The following PPHLN1 variants were observed in gnomAD, a reference collection of about 807,000 sequenced individuals.
The protein encoded by PPHLN1 is periphilin 1.
In PPHLN1, 29 loss-of-function variants were observed where a neutral mutation model predicts 51.3. The ratio of observed to expected loss-of-function variants is 0.57; its 90% CI spans 0.42 to 0.77. The LOEUF (loss-of-function observed/expected upper bound fraction) is 0.77, where lower values mean the gene tolerates loss of function less well. PPHLN1 is among the 30% of genes least tolerant of loss of function. The pLI, the probability that PPHLN1 is intolerant of heterozygous loss-of-function variation, is 0.00. For synonymous variants in PPHLN1, 147 were observed against 147.8 expected, an observed-to-expected ratio of 0.99 and a Z score of 0.04; for missense variants, 436 against 438.4, an observed-to-expected ratio of 0.99 and a Z score of 0.05.
At chr12:42,433,957 CAT>C (rs2082265596) in intron 9 of PPHLN1, among the ~76,000 whole-genome samples, 1 of 152,114 alleles carries the variant, frequency 6.6e-6, no homozygotes. Flanking sequence ...TTTAAAAAAA[CAT>C]AACACCACCA....
At chr12:42,430,887 C>G (rs1182691792) in intron 9 of PPHLN1, among the ~76,000 whole-genome samples, 2 of 152,040 alleles carry the variant, frequency 1.3e-5, no homozygotes, top group Non-Finnish European at 1.5e-5. Flanking sequence ...TGAAATTAAA[C>G]AAAACAAGAT....
At chr12:42,435,025 T>G (rs1047115016) in intron 9 of PPHLN1, among the ~76,000 whole-genome samples, 1 of 152,230 alleles carries the variant, frequency 6.6e-6, no homozygotes, top group Admixed American at 6.5e-5. Context: ...TTTTGTGGAA[T>G]CTGGTTTTGG....
chr12:42,345,639 A>G (rs988777596), intron 2 of PPHLN1, among the ~76,000 whole-genome samples: 1 of 150,822 alleles, frequency 6.6e-6, no homozygotes, highest in Non-Finnish European at 1.5e-5. Context: ...TTATATTAGT[A>G]TGTAGATATT....
intron 2 of PPHLN1, 143 bp from the exon 3 acceptor site, chr12:42,351,742 T>C (rs1445343261): frequency 7.1e-6 from 4 of 559,966 alleles, no homozygotes; most frequent in Non-Finnish European, 1.1e-5. Context: ...GTATTAGTTA[T>C]ATTTATGTTA....
intron 4 of PPHLN1, among the ~76,000 whole-genome samples, chr12:42,365,709 C>A (rs1182723115): frequency 6.6e-6 from 1 of 152,136 alleles, no homozygotes; most frequent in Non-Finnish European, 1.5e-5. Flanking sequence ...GACTTTGCGT[C>A]TTTTATATGC....
rs1298998251 is a variant in PPHLN1 at position 42,418,943 on chromosome 12, T to C, written c.909+19949T>C. ...CTAAGTATTAAGTGCTTTATTACATTCTCTCATTTAATCCTCACAAAAGGT... is the reference window on the plus strand; with the variant it reads ...CTAAGTATTAAGTGCTTTATTACATCCTCTCATTTAATCCTCACAAAAGGT... On this transcript the variant is annotated intron_variant, in intron 9 of 9. Transcript: ENST00000358314. 2.0e-5 allele frequency among the ~76,000 whole-genome samples: 3 copies of C among 152,228 alleles called. No homozygotes were observed. The East Asian group carries it at 5.8e-4, about 29-fold the overall frequency.
intron 2 of PPHLN1, among the ~76,000 whole-genome samples, chr12:42,342,342 A>G (rs2071637321): frequency 6.6e-6 from 1 of 152,052 alleles, no homozygotes; most frequent in South Asian, 2.1e-4. Flanking sequence ...GCAGCCTCAG[A>G]CCCCTGGGCT....
At chr12:42,400,798 T>TCACACACACACA (rs67724902) in intron 9 of PPHLN1, among the ~76,000 whole-genome samples, 61 of 142,628 alleles carry the variant, frequency 4.3e-4, no homozygotes, top group African/African-American at 1.3e-3. Context: ...TCTCTCTCTT[T>TCACACACACACA]CACACACACA....
At position 42,441,462 on chromosome 12, in the gene PPHLN1, A is replaced by G. The variant is rs200254014; in HGVS notation, c.1057A>G (p.Ile353Val). 40 of 1,613,280 alleles carry G rather than the reference A, an allele frequency of 2.5e-5. No homozygotes were observed. The highest frequency in any genetic ancestry group is 3.3e-5 in the Non-Finnish European group (39 of 1,179,686). ...GTGTGTTGAAGAACTCAAGCATTTC[A>G]TTGCAGAGTATGATACTTCCACTCA... ...ERCVEELKHFIAEYDTSTQDF... is the reference protein window; with the variant it reads ...ERCVEELKHFVAEYDTSTQDF... The change falls in exon 10 of 10, where the codon ATT becomes GTT. Residue 353 changes from isoleucine (I) to valine (V), a missense_variant. Physicochemically the swap from Ile to Val is conservative, Grantham distance 29 (BLOSUM62 3). Transcript: ENST00000358314.
At position 42,441,713 on chromosome 12, in the gene PPHLN1, G is replaced by A. The variant is rs561824129; in HGVS notation, c.*204G>A. ...TTTTTGTATTTTTTGTAGAGATGGG[G>A]TTCACCATGTTGGCCAGGCTAGTCT... On this transcript the variant is annotated 3_prime_UTR_variant, in exon 10 of 10. Coordinates refer to ENST00000358314, the MANE Select transcript of PPHLN1 (RefSeq NM_201439.2). 8.2e-6 allele frequency: 10 copies of A among 1,218,944 alleles called. No individual in the cohort carries two copies. Among genetic ancestry groups the A allele is most frequent in the South Asian group, 7.3e-5 (3 of 40,822 alleles). 75.5% of individuals were successfully genotyped at this position (1,218,944 alleles called of 1,614,324 possible). A position where few individuals can be genotyped will look rare whatever the true frequency, so the allele number is the denominator to read the frequency against.
intron 8 of PPHLN1, 38 bp from the exon 9 acceptor site, chr12:42,398,816 T>A (rs1376090306): frequency 2.5e-6 from 4 of 1,601,364 alleles, no homozygotes; most frequent in Non-Finnish European, 8.5e-7. Context: ...TCTATGTTTT[T>A]TAAGAAAATA....
Position 42,387,585 on chromosome 12 carries a change from G to A in PPHLN1, c.648+50G>A, listed in dbSNP as rs141145173. Reference sequence around the variant, plus strand: ...TTAAAGAAGAATTACAAATTGAGATGGACTGACTAGTACAGATGCTTTTAT... The same window carrying A: ...TTAAAGAAGAATTACAAATTGAGATAGACTGACTAGTACAGATGCTTTTAT... On this transcript the variant is annotated intron_variant, in intron 7 of 9. Coordinates refer to ENST00000358314, the MANE Select transcript of PPHLN1 (RefSeq NM_201439.2). The A allele has an allele frequency of 1.4e-5, 22 of 1,599,266 alleles. No individual in the cohort carries two copies. In the African/African-American group the frequency reaches 3.0e-4, roughly 22 times the overall value.
At position 42,351,971 on chromosome 12, in the gene PPHLN1, C is replaced by T; in HGVS notation, c.159C>T (p.Tyr53=). The T allele has an allele frequency of 6.3e-7, 1 of 1,579,574 alleles. No homozygotes were observed. Among genetic ancestry groups the T allele is most frequent in the Non-Finnish European group, 8.6e-7 (1 of 1,167,908 alleles). The change falls in exon 3 of 10, where the codon TAC becomes TAT. Residue 53 remains tyrosine (Y), a synonymous_variant. Transcript: ENST00000358314. The part of the protein sequence containing the change: ...RPGEGSYNRY[Y]SHVDYRDYDE... ...GTGAAGGAAGCTACAATAGATATTACAGTCATGTTGATTACCGAGACTATG... is the reference window on the plus strand; with the variant it reads ...GTGAAGGAAGCTACAATAGATATTATAGTCATGTTGATTACCGAGACTATG...
chr12:42,351,974 T>A lies in PPHLN1; in HGVS notation c.162T>A (p.Ser54Arg). Residue 54 changes from serine to arginine, a missense_variant, in exon 3 of 10, where the codon AGT becomes AGA. By Grantham distance (110) the Ser-to-Arg change is moderately radical. Transcript: ENST00000358314. ...AAGGAAGCTACAATAGATATTACAG[T>A]CATGTTGATTACCGAGACTATGACG... ...PGEGSYNRYYSHVDYRDYDEG... is the reference protein window; with the variant it reads ...PGEGSYNRYYRHVDYRDYDEG... The A allele has an allele frequency of 6.3e-7, 1 of 1,579,306 alleles. No homozygotes were observed. Among genetic ancestry groups the A allele is most frequent in the Non-Finnish European group, 8.6e-7 (1 of 1,167,514 alleles).
At chr12:42,397,278 A>G (rs144638986) in intron 8 of PPHLN1, among the ~76,000 whole-genome samples, 1 of 152,194 alleles carries the variant, frequency 6.6e-6, no homozygotes, top group African/African-American at 2.4e-5. Context: ...CCACTTTTCT[A>G]CCTACTATAA....
At chr12:42,417,119 A>G (rs1348630454) in intron 9 of PPHLN1, among the ~76,000 whole-genome samples, 2 of 152,210 alleles carry the variant, frequency 1.3e-5, no homozygotes, top group South Asian at 2.1e-4. Context: ...GAATAAGTGC[A>G]TGAGAGTTTG....
At chr12:42,362,482 C>T (rs757111627) in intron 4 of PPHLN1, among the ~76,000 whole-genome samples, 1 of 152,162 alleles carries the variant, frequency 6.6e-6, no homozygotes, top group Non-Finnish European at 1.5e-5. Flanking sequence ...GACATGTCCA[C>T]GTCATTCTTT....
At chr12:42,381,736 C>T (rs528520261) in intron 5 of PPHLN1, among the ~76,000 whole-genome samples, 2 of 152,296 alleles carry the variant, frequency 1.3e-5, no homozygotes, top group Admixed American at 1.3e-4. Flanking sequence ...GTCCCAAATT[C>T]CCACATCTTC....
intron 9 of PPHLN1, among the ~76,000 whole-genome samples, chr12:42,427,656 G>A (rs953063343): frequency 6.6e-6 from 1 of 152,128 alleles, no homozygotes; most frequent in Non-Finnish European, 1.5e-5. Context: ...TATAAAAATT[G>A]TAGAAGACAA....
Sources: allele counts gnomAD v4.1 joint callset (sites outside exome capture counted in the v4.1 genomes callset), GRCh38; gene constraint gnomAD v4.1.1; transcripts MANE v1.5; gene names NCBI Gene and HGNC (gene_info 2026-07-23, HGNC 2026-07-21).